The following PRELID2 variants were observed in gnomAD, a reference collection of about 807,000 sequenced individuals.
The protein encoded by PRELID2 is PRELI domain containing 2.
Under a neutral mutation model 28.4 loss-of-function variants are expected in PRELID2, and 25 were observed. That is an observed-to-expected ratio of 0.88 (90% confidence interval 0.64 to 1.23). PRELID2 has a LOEUF of 1.23. Among genes scored for constraint, PRELID2 ranks in the 50% most tolerant of loss-of-function variants. PRELID2 has a pLI of 0.00. For missense variants in PRELID2, 201 were observed against 214.4 expected (o/e 0.94, Z 0.39); for synonymous variants, 76 against 71.6 (o/e 1.06, Z -0.31).
the PRELID2 span, among the ~76,000 whole-genome samples, chr5:145,314,641 T>C: frequency 1.3e-5 from 2 of 152,158 alleles, no homozygotes; most frequent in Admixed American, 6.5e-5. Flanking sequence ...ACACATGCCA[T>C]GTATGTTCAA....
chr5:145,329,199 T>C, the PRELID2 span, among the ~76,000 whole-genome samples: 1 of 152,192 alleles, frequency 6.6e-6, no homozygotes, highest in Non-Finnish European at 1.5e-5. Flanking sequence ...TCGTTTGAGG[T>C]CAGGTAGCGC....
chr5:145,680,508 A>G (rs1754911146), intron 1 of PRELID2, among the ~76,000 whole-genome samples: 2 of 152,180 alleles, frequency 1.3e-5, no homozygotes, highest in Admixed American at 1.3e-4. Context: ...TGTTAGCTCA[A>G]ACTGAGAAGA....
intron 1 of PRELID2, among the ~76,000 whole-genome samples, chr5:145,661,285 A>C (rs1252548549): frequency 6.6e-6 from 1 of 152,178 alleles, no homozygotes; most frequent in African/African-American, 2.4e-5. Context: ...CTTACGTTTC[A>C]GTAAGCATAC....
intron 1 of PRELID2, among the ~76,000 whole-genome samples, chr5:145,824,708 G>T (rs1755064242): frequency 1.3e-5 from 2 of 152,012 alleles, no homozygotes; most frequent in South Asian, 2.1e-4. Flanking sequence ...TGACCTCAGG[G>T]ATCAATTTGG....
At chr5:145,301,459 C>A in the PRELID2 span, among the ~76,000 whole-genome samples, 2 of 151,974 alleles carry the variant, frequency 1.3e-5, no homozygotes, top group Non-Finnish European at 2.9e-5. Flanking sequence ...TTTTGACTTG[C>A]CTATTCATTT....
At chr5:145,289,153 G>C in the PRELID2 span, among the ~76,000 whole-genome samples, 4 of 151,738 alleles carry the variant, frequency 2.6e-5, no homozygotes, top group Non-Finnish European at 5.9e-5. Flanking sequence ...TTTTTTTAAT[G>C]TGCATACATC....
the PRELID2 span, among the ~76,000 whole-genome samples, chr5:145,408,835 G>C: frequency 6.6e-6 from 1 of 152,096 alleles, no homozygotes; most frequent in Non-Finnish European, 1.5e-5. Context: ...TCTTGCTAGA[G>C]AGTTAGACAT....
At chr5:145,760,947 G>A (rs1454675185) in intron 6 of PRELID2, among the ~76,000 whole-genome samples, 1 of 152,170 alleles carries the variant, frequency 6.6e-6, no homozygotes, top group African/African-American at 2.4e-5. Flanking sequence ...AAGCATATTG[G>A]TTAGTGAGAT....
At chr5:145,641,608 C>T (rs551288730) in intron 1 of PRELID2, among the ~76,000 whole-genome samples, 12 of 152,326 alleles carry the variant, frequency 7.9e-5, no homozygotes, top group African/African-American at 2.4e-4. Context: ...GTTTGCTGCA[C>T]CCATCAACCA....
chr5:145,467,801 G>A (rs1379152740), downstream of PRELID2, among the ~76,000 whole-genome samples: 2 of 150,642 alleles, frequency 1.3e-5, no homozygotes, highest in East Asian at 3.9e-4. Flanking sequence ...TATCAAACTA[G>A]CAGATATATT....
chr5:145,340,764 AATATAC>A, the PRELID2 span, among the ~76,000 whole-genome samples: 1 of 79,212 alleles, frequency 1.3e-5, no homozygotes, highest in African/African-American at 4.9e-5. Flanking sequence ...CCTGCCTAAA[AATATAC>A]ATATATATAT....
chr5:145,602,185 T>C (rs1753407831), intron 1 of PRELID2, among the ~76,000 whole-genome samples: 1 of 152,116 alleles, frequency 6.6e-6, no homozygotes, highest in Non-Finnish European at 1.5e-5. Context: ...CAAGGAGTTA[T>C]GGGTAAAATA....
intron 1 of PRELID2, among the ~76,000 whole-genome samples, chr5:145,828,997 C>T (rs1169128526): frequency 2.0e-5 from 3 of 151,850 alleles, no homozygotes; most frequent in South Asian, 4.2e-4. Flanking sequence ...GCCACCATGC[C>T]CCGGCTAATT....
intron 1 of PRELID2, among the ~76,000 whole-genome samples, chr5:145,828,966 T>C (rs1755402729): frequency 1.3e-5 from 2 of 149,852 alleles, no homozygotes; most frequent in Admixed American, 1.4e-4. Flanking sequence ...GCCTCCCGAG[T>C]ACCTGGGACT....
intron 1 of PRELID2, among the ~76,000 whole-genome samples, chr5:145,641,456 A>C (rs990534944): frequency 6.6e-6 from 1 of 152,212 alleles, no homozygotes; most frequent in African/African-American, 2.4e-5. Context: ...CACTAATGAC[A>C]AAAAAATGTA....
Position 145,526,743 on chromosome 5 carries a change from G to A in PRELID2, n.71-53428C>T, listed in dbSNP as rs113384001. ...TTCAGCATTGCAATGACTCCAGAAG[G>A]CGTGATCAGAGCCTGAGAGGCTATG... On this transcript the variant is annotated intron_variant and non_coding_transcript_variant, in intron 1 of 2. Transcript: ENST00000510259. Among the ~76,000 whole-genome samples, 4 of 152,290 alleles carry A rather than the reference G, an allele frequency of 2.6e-5. 1 individual carries two copies. The highest frequency in any genetic ancestry group is 9.6e-5 in the African/African-American group (4 of 41,582).
chr5:145,703,433 T>A (rs192049097), intron 1 of PRELID2, among the ~76,000 whole-genome samples: 1 of 152,204 alleles, frequency 6.6e-6, no homozygotes, highest in Non-Finnish European at 1.5e-5. Context: ...ACACAGTAGC[T>A]TCAGCTTTAC....
the PRELID2 span, among the ~76,000 whole-genome samples, chr5:145,286,774 T>A: frequency 6.8e-6 from 1 of 146,574 alleles, no homozygotes; most frequent in Non-Finnish European, 1.5e-5. Flanking sequence ...CAGGCTAGAG[T>A]GCAATGGTGT....
intron 1 of PRELID2, among the ~76,000 whole-genome samples, chr5:145,532,627 C>T (rs988104335): frequency 6.6e-6 from 1 of 152,036 alleles, no homozygotes; most frequent in African/African-American, 2.4e-5. Flanking sequence ...CCCCATCCTG[C>T]CCCCAGCCCC....
Sources: gnomAD v4.1 joint callset for allele counts (sites outside exome capture counted in the v4.1 genomes callset) on GRCh38, gnomAD v4.1.1 for gene constraint, MANE v1.5 for transcripts, NCBI Gene and HGNC (gene_info 2026-07-23, HGNC 2026-07-21) for gene names.